Variants in COL4A4 observed in about 807,000 individuals in gnomAD.
The protein encoded by COL4A4 is collagen alpha-4(IV) chain.
COL4A4 carries 105 observed loss-of-function variants against 192.9 expected under a neutral mutation model. That is an observed-to-expected ratio of 0.54 (90% CI 0.46 to 0.64). The LOEUF is 0.64. COL4A4 is among the 30% of genes least tolerant of loss of function. The pLI, the probability that COL4A4 is intolerant of heterozygous loss-of-function variation, is 0.00. For synonymous variants in COL4A4, 762 were observed against 769.9 expected, an observed-to-expected ratio of 0.99 and a Z score of 0.17; for missense variants, 1,967 against 2,169.3, an observed-to-expected ratio of 0.91 and a Z score of 1.85.
chr2:226,975,276 TACACACACAAAC>T, the COL4A4 span, among the ~76,000 whole-genome samples: 1 of 152,062 alleles, frequency 6.6e-6, no homozygotes, highest in Non-Finnish European at 1.5e-5. Context: ...CTCATTTCAC[TACACACACAAAC>T]ACACACACAC....
intron 46 of COL4A4, among the ~76,000 whole-genome samples, chr2:227,009,393 T>C (rs988693191): frequency 2.0e-5 from 3 of 152,146 alleles, no homozygotes; most frequent in South Asian, 4.1e-4. Flanking sequence ...GTCCCGCAGC[T>C]TGCAAATCTA....
At chr2:227,118,873 T>C (rs1576645455) in intron 6 of COL4A4, 112 bp from the exon 7 acceptor site, 1 of 770,826 alleles carries the variant, frequency 1.3e-6, no homozygotes, top group East Asian at 2.5e-5. Context: ...ATTTACTGTT[T>C]AGTTTTGTGA....
chr2:227,144,312 G>C (rs867035967), intron 3 of COL4A4, among the ~76,000 whole-genome samples: 1 of 152,048 alleles, frequency 6.6e-6, no homozygotes, highest in Non-Finnish European at 1.5e-5. Flanking sequence ...TTAAAATAAA[G>C]AAATCCCCAA....
intron 19 of COL4A4, 126 bp from the exon 20 acceptor site, chr2:227,094,415 G>A (rs2060100139): frequency 1.1e-6 from 1 of 890,218 alleles, no homozygotes; most frequent in African/African-American, 1.7e-5. Context: ...GACGGAGCTG[G>A]AGGTCATTAT....
At chr2:226,980,309 C>T in the COL4A4 span, among the ~76,000 whole-genome samples, 2 of 152,146 alleles carry the variant, frequency 1.3e-5, no homozygotes, top group African/African-American at 4.8e-5. Context: ...GCCCTACTCT[C>T]GTTCCCCACC....
intron 4 of COL4A4, among the ~76,000 whole-genome samples, chr2:227,138,604 G>C (rs2062984068): frequency 6.6e-6 from 1 of 150,602 alleles, no homozygotes; most frequent in Admixed American, 6.6e-5. Context: ...CCGCACTCCA[G>C]CCTGGGTGAC....
chr2:227,136,165 C>G (rs1013897979), intron 4 of COL4A4, among the ~76,000 whole-genome samples: 2 of 152,136 alleles, frequency 1.3e-5, no homozygotes, highest in Admixed American at 1.3e-4. Flanking sequence ...GCAATCTAAT[C>G]AATAAAGTCG....
At chr2:227,075,998 A>C (rs1283235240) in intron 25 of COL4A4, among the ~76,000 whole-genome samples, 2 of 152,192 alleles carry the variant, frequency 1.3e-5, no homozygotes, top group African/African-American at 4.8e-5. Flanking sequence ...GACACAAACA[A>C]ATGGAAAAAC....
intron 7 of COL4A4, among the ~76,000 whole-genome samples, chr2:227,115,616 A>T (rs999421162): frequency 6.6e-6 from 1 of 152,122 alleles, no homozygotes; most frequent in African/African-American, 2.4e-5. Flanking sequence ...ACCACATAAA[A>T]ATCCTACCAT....
intron 4 of COL4A4, among the ~76,000 whole-genome samples, chr2:227,125,100 GA>G (rs1241588028): frequency 6.6e-6 from 1 of 151,976 alleles, no homozygotes; most frequent in Non-Finnish European, 1.5e-5. Context: ...TTGCAGAGGG[GA>G]AAAAAGGCGT....
chr2:227,062,980 G>A (rs1977503625), intron 25 of COL4A4, among the ~76,000 whole-genome samples: 1 of 152,184 alleles, frequency 6.6e-6, no homozygotes, highest in Admixed American at 6.5e-5. Context: ...ACAATAGAAT[G>A]AGAAGTCTCG....
intron 1 of COL4A4, among the ~76,000 whole-genome samples, chr2:227,147,792 A>T (rs890070531): frequency 3.2e-4 from 48 of 150,192 alleles, no homozygotes; most frequent in Admixed American, 3.2e-3. Context: ...TATATTTTTG[A>T]TAAATGGAAA....
rs779662741 is a variant in COL4A4 at position 227,007,489 on chromosome 2, G to A, written c.4909C>T (p.Arg1637Trp). Residue 1637 changes from arginine (R) to tryptophan (W), a missense_variant, in exon 48 of 48, where the codon CGG (arginine) becomes TGG (tryptophan). Arg to Trp is a moderately radical substitution (Grantham distance 101). Coordinates refer to ENST00000396625, the MANE Select transcript of COL4A4 (RefSeq NM_000092.5). ...GCGAAAAAGTGGCAAGTTCCCTGCC[G>A]GCCCTGGCATTCAAGGAATGGTGCT... ...RAAPFLECQGRQGTCHFFANK... is the reference protein window; with the variant it reads ...RAAPFLECQGWQGTCHFFANK... 13 of 1,613,996 alleles carry A rather than the reference G, an allele frequency of 8.1e-6. No homozygotes were observed. The highest frequency in any genetic ancestry group is 1.7e-4 in the Middle Eastern group (1 of 6,046).
intron 4 of COL4A4, among the ~76,000 whole-genome samples, chr2:227,133,785 G>A (rs1391384049): frequency 6.6e-6 from 1 of 152,072 alleles, no homozygotes; most frequent in East Asian, 1.9e-4. Flanking sequence ...CAGCTACTCG[G>A]GAGGCTGAGG....
intron 43 of COL4A4, among the ~76,000 whole-genome samples, chr2:227,024,625 C>T (rs565295175): frequency 9.2e-5 from 14 of 152,310 alleles, no homozygotes; most frequent in Admixed American, 7.2e-4. Context: ...TGTGGCATAA[C>T]AACAAAGTTT....
the COL4A4 span, chr2:226,995,654 A>G: frequency 1.5e-6 from 1 of 686,428 alleles, no homozygotes; most frequent in Non-Finnish European, 2.6e-6. Context: ...GATCGCTCAC[A>G]TCACCTGGGA....
chr2:227,106,845 C>A (rs113819876), intron 12 of COL4A4, among the ~76,000 whole-genome samples: 1 of 152,174 alleles, frequency 6.6e-6, no homozygotes, highest in Non-Finnish European at 1.5e-5. Context: ...GGATTACAGG[C>A]GTGAGCCACT....
In COL4A4 at chr2:227,005,166, A is replaced by C. The variant is rs987881555; in HGVS notation, c.*2159T>G. ...TGATACCTTCCCAAGCTCACTGTGG[A>C]GTAAACTGTCTACATAATTTAGCCT... On this transcript the variant is annotated 3_prime_UTR_variant, in exon 48 of 48. Coordinates refer to ENST00000396625, the MANE Select transcript of COL4A4 (RefSeq NM_000092.5). The C allele has an allele frequency of 6.6e-6, 1 of 151,740 alleles. No individual in the cohort carries two copies. The highest frequency in any genetic ancestry group is 2.4e-5 in the African/African-American group (1 of 41,328). The allele number at this position is 151,740 out of a possible 1,614,324, so 9.4% of individuals were successfully genotyped here. A position where few individuals can be genotyped will look rare whatever the true frequency, so the allele number is the denominator to read the frequency against.
At chr2:227,108,976 T>A in intron 10 of COL4A4, 108 bp from the exon 11 acceptor site, 1 of 1,144,954 alleles carries the variant, frequency 8.7e-7, no homozygotes, top group Non-Finnish European at 1.3e-6. Context: ...CCCTTAATTT[T>A]AAAACATGCA....
Sources: allele counts gnomAD v4.1 joint callset (sites outside exome capture counted in the v4.1 genomes callset), GRCh38; gene constraint gnomAD v4.1.1; transcripts MANE v1.5; gene names NCBI Gene and HGNC (gene_info 2026-07-23, HGNC 2026-07-21).